The following ADGRL3 variants were observed in gnomAD, a reference collection of about 807,000 sequenced individuals.
The protein encoded by ADGRL3 is adhesion G protein-coupled receptor L3, also known as calcium-independent alpha-latrotoxin receptor 3.
A neutral mutation model predicts 153.5 loss-of-function variants in ADGRL3; 62 were observed. That is an observed-to-expected ratio of 0.40 (90% CI 0.33 to 0.50). The LOEUF (loss-of-function observed/expected upper bound fraction) is 0.50, where lower values mean the gene tolerates loss of function less well. Ranked by LOEUF, ADGRL3 falls within the 20% of genes least tolerant of loss-of-function variation. ADGRL3 has a pLI of 0.47. For synonymous variants in ADGRL3, 710 were observed against 672.5 expected, an observed-to-expected ratio of 1.06 and a Z score of -0.86; for missense variants, 1,641 against 1,859.4, an observed-to-expected ratio of 0.88 and a Z score of 2.16.
chr4:61,660,174 A>G (rs1206397044), intron 5 of ADGRL3, among the ~76,000 whole-genome samples: 2 of 152,170 alleles, frequency 1.3e-5, no homozygotes, highest in Non-Finnish European at 2.9e-5. Flanking sequence ...GTGTATGCAT[A>G]CCTCAGTGAG....
At chr4:61,553,151 A>C (rs2098748087) in intron 4 of ADGRL3, among the ~76,000 whole-genome samples, 1 of 152,178 alleles carries the variant, frequency 6.6e-6, no homozygotes, top group Non-Finnish European at 1.5e-5. Flanking sequence ...TATGTTACTA[A>C]ATTGCCTGGA....
At position 62,038,366 on chromosome 4, in the gene ADGRL3, C is replaced by G. The variant is rs1265896237; in HGVS notation, c.3717+510C>G. ...TACTACAACAGCATTATTAACATAC[C>G]TGGTCTAAGCTCCACTCCCATTCGC... On this transcript the variant is annotated intron_variant, in intron 24 of 26. Coordinates refer to ENST00000683033, the MANE Select transcript of ADGRL3 (RefSeq NM_001387552.1). 2.0e-5 allele frequency among the ~76,000 whole-genome samples: 3 copies of G among 152,100 alleles called. No homozygotes were observed. In the South Asian group the frequency reaches 6.2e-4, roughly 32 times the overall value.
chr4:61,531,409 G>A (rs2098613614), intron 4 of ADGRL3, among the ~76,000 whole-genome samples: 1 of 152,178 alleles, frequency 6.6e-6, no homozygotes, highest in Admixed American at 6.5e-5. Flanking sequence ...TTGTGGAAAG[G>A]GAAAAGAGGT....
intron 9 of ADGRL3, among the ~76,000 whole-genome samples, chr4:61,835,948 G>C (rs1212128137): frequency 6.6e-6 from 1 of 152,016 alleles, no homozygotes; most frequent in Non-Finnish European, 1.5e-5. Flanking sequence ...TAATTTTTAG[G>C]GGTAATCATG....
chr4:61,407,359 T>C (rs534193891), intron 2 of ADGRL3, among the ~76,000 whole-genome samples: 27 of 152,252 alleles, frequency 1.8e-4, no homozygotes, highest in African/African-American at 6.5e-4. Flanking sequence ...TCTCAAAATA[T>C]ATAATGAAAA....
chr4:61,630,893 A>C (rs2150017474), intron 5 of ADGRL3, among the ~76,000 whole-genome samples: 1 of 152,354 alleles, frequency 6.6e-6, no homozygotes, highest in African/African-American at 2.4e-5. Context: ...ATTATGGTCG[A>C]AATAGGACTA....
At chr4:61,821,565 G>T (rs569833513) in intron 9 of ADGRL3, among the ~76,000 whole-genome samples, 3 of 151,796 alleles carry the variant, frequency 2.0e-5, no homozygotes, top group South Asian at 2.1e-4. Flanking sequence ...ATTTTGTTGG[G>T]TTTTTTTATA....
chr4:62,002,827 C>T (rs573025770), intron 21 of ADGRL3, among the ~76,000 whole-genome samples: 15 of 152,060 alleles, frequency 9.9e-5, no homozygotes, highest in African/African-American at 3.6e-4. Flanking sequence ...AAACTCTAAC[C>T]TAATTTAAAA....
At chr4:61,855,080 CA>C (rs530975241) in intron 9 of ADGRL3, among the ~76,000 whole-genome samples, 1 of 150,678 alleles carries the variant, frequency 6.6e-6, no homozygotes. Context: ...TTCTGGGACA[CA>C]AAAAAAAGAC....
chr4:61,273,114 C>T (rs1256643515), intron 1 of ADGRL3, among the ~76,000 whole-genome samples: 3 of 152,144 alleles, frequency 2.0e-5, no homozygotes, highest in African/African-American at 4.8e-5. Flanking sequence ...AATTTCTGAG[C>T]TGTTAGCTCT....
At chr4:61,574,504 A>G (rs1157491492) in intron 4 of ADGRL3, among the ~76,000 whole-genome samples, 1 of 151,880 alleles carries the variant, frequency 6.6e-6, no homozygotes, top group Non-Finnish European at 1.5e-5. Context: ...AATATTAATG[A>G]CAGAATCTTA....
intron 13 of ADGRL3, among the ~76,000 whole-genome samples, chr4:61,930,818 G>T (rs2098814807): frequency 6.6e-6 from 1 of 151,954 alleles, no homozygotes. Flanking sequence ...CAATGAAAAG[G>T]ATAATACTCA....
At chr4:61,879,781 A>G (rs1469254787) in intron 9 of ADGRL3, among the ~76,000 whole-genome samples, 1 of 152,098 alleles carries the variant, frequency 6.6e-6, no homozygotes, top group Non-Finnish European at 1.5e-5. Flanking sequence ...GTGCAGTGGC[A>G]CAATCGTAGC....
At chr4:61,921,106 G>T (rs1265964878) in intron 13 of ADGRL3, among the ~76,000 whole-genome samples, 1 of 151,698 alleles carries the variant, frequency 6.6e-6, no homozygotes, top group East Asian at 1.9e-4. Context: ...TGCTTGTTCT[G>T]TTAGTCATAG....
chr4:61,832,784 G>A (rs1409767255), intron 9 of ADGRL3, among the ~76,000 whole-genome samples: 3 of 150,014 alleles, frequency 2.0e-5, no homozygotes, highest in African/African-American at 4.9e-5. Context: ...ATTGTTTTTC[G>A]CTTTCTTTCT....
intron 21 of ADGRL3, among the ~76,000 whole-genome samples, chr4:62,013,496 C>T (rs184654837): frequency 6.6e-6 from 1 of 151,608 alleles, no homozygotes; most frequent in East Asian, 1.9e-4. Context: ...GAGCCAAGAT[C>T]ACACTGTTGC....
intron 2 of ADGRL3, among the ~76,000 whole-genome samples, chr4:61,401,374 G>A (rs893136611): frequency 6.6e-6 from 1 of 151,768 alleles, no homozygotes; most frequent in African/African-American, 2.4e-5. Context: ...TTAGCCCAGA[G>A]ATAATAATCA....
At chr4:61,243,503 T>C (rs1163956673) in intron 1 of ADGRL3, among the ~76,000 whole-genome samples, 1 of 152,048 alleles carries the variant, frequency 6.6e-6, no homozygotes, top group African/African-American at 2.4e-5. Flanking sequence ...AGGATGTTTT[T>C]GTCTTCGAAT....
chr4:61,231,127 T>C (rs1750456308), intron 1 of ADGRL3, among the ~76,000 whole-genome samples: 1 of 152,100 alleles, frequency 6.6e-6, no homozygotes, highest in Non-Finnish European at 1.5e-5. Flanking sequence ...ACAATGAAGA[T>C]CAGTAGAAAA....
Sources: allele counts gnomAD v4.1 joint callset (sites outside exome capture counted in the v4.1 genomes callset), GRCh38; gene constraint gnomAD v4.1.1; transcripts MANE v1.5; gene names NCBI Gene and HGNC (gene_info 2026-07-23, HGNC 2026-07-21).